GON4L: variants seen among roughly 807,000 people sequenced by gnomAD.
The protein encoded by GON4L is GON-4-like protein.
In GON4L, 87 loss-of-function variants were observed where a neutral mutation model predicts 211.8. The ratio of observed to expected loss-of-function variants is 0.41; its 90% CI spans 0.35 to 0.49. The LOEUF (loss-of-function observed/expected upper bound fraction) is 0.49. GON4L is among the 20% of genes least tolerant of loss of function. The pLI is 0.15. For missense variants in GON4L, 2,155 were observed against 2,659.5 expected, an observed-to-expected ratio of 0.81 and a Z score of 4.17; for synonymous variants, 875 against 962.6, an observed-to-expected ratio of 0.91 and a Z score of 1.68.
At chr1:155,841,376 G>A (rs769714997) in intron 2 of GON4L, among the ~76,000 whole-genome samples, 1 of 152,122 alleles carries the variant, frequency 6.6e-6, no homozygotes, top group Non-Finnish European at 1.5e-5. Context: ...CCAAATCAAG[G>A]ACAGGCACAC....
intron 1 of GON4L, among the ~76,000 whole-genome samples, chr1:155,855,197 T>C (rs572105549): frequency 6.6e-6 from 1 of 152,300 alleles, no homozygotes; most frequent in Admixed American, 6.5e-5. Context: ...CCAGAGGGTA[T>C]CCTCTATGTT....
chr1:155,853,485 A>G lies in GON4L; in HGVS notation c.296T>C (p.Ile99Thr), dbSNP rs141043212. Residue 99 changes from isoleucine (I) to threonine (T), a missense_variant, in exon 2 of 32, where the codon ATC (isoleucine) becomes ACC (threonine). Physicochemically the swap from Ile to Thr is moderately conservative, Grantham distance 89 (BLOSUM62 -1). Transcript: ENST00000368331. ...GGAAGGTAGGGTGATTCCCTGAGAGATGGCCACATCAACACCTTCTAGAAT... is the reference window on the plus strand; with the variant it reads ...GGAAGGTAGGGTGATTCCCTGAGAGGTGGCCACATCAACACCTTCTAGAAT... ...VPILEGVDVAISQGITLPSLE... is the reference protein window; with the variant it reads ...VPILEGVDVATSQGITLPSLE... 1 of 1,613,966 alleles carries G rather than the reference A, an allele frequency of 6.2e-7. No homozygotes were observed. The highest frequency in any genetic ancestry group is 1.3e-5 in the African/African-American group (1 of 74,926).
At chr1:155,776,093 A>G (rs1023388537) in intron 16 of GON4L, among the ~76,000 whole-genome samples, 5 of 152,186 alleles carry the variant, frequency 3.3e-5, no homozygotes, top group Non-Finnish European at 5.9e-5. Flanking sequence ...CAACATCTAT[A>G]AAACGAACAG....
In GON4L at chr1:155,809,996, AT is replaced by A. The variant is rs545738355; in HGVS notation, c.1452+3637del. On this transcript the variant is annotated intron_variant, in intron 10 of 31. Transcript: ENST00000368331. ...ATAAATTATATATATATATAATTAT[AT>A]ATATATATATATTTTTGAAATGTAG... Among the ~76,000 whole-genome samples, 24 of 132,066 alleles carry A rather than the reference AT, an allele frequency of 1.8e-4. 10 individuals are homozygous for A. The highest frequency in any genetic ancestry group is 1.1e-3 in the East Asian group (5 of 4,738). 86.6% of individuals were successfully genotyped at this position (132,066 alleles called of 152,430 possible).
chr1:155,845,544 C>A, intron 2 of GON4L: 1 of 305,204 alleles, frequency 3.3e-6, no homozygotes, highest in Non-Finnish European at 6.7e-6. Context: ...TTTACAGTCC[C>A]TTTTAATGAA....
At chr1:155,816,474 T>C (rs1668244728) in intron 6 of GON4L, among the ~76,000 whole-genome samples, 2 of 152,188 alleles carry the variant, frequency 1.3e-5, no homozygotes, top group Admixed American at 6.6e-5. Context: ...CATTAGCATT[T>C]CTGCCTTACA....
In GON4L at chr1:155,848,977, A is replaced by C. The variant is rs1671507342; in HGVS notation, c.505+4299T>G. Reference sequence around the variant, plus strand: ...AGGCTGGCCAACCTGATGAGATCCCATCTCTACTAAGATACAAAAAATTAG... The same window carrying C: ...AGGCTGGCCAACCTGATGAGATCCCCTCTCTACTAAGATACAAAAAATTAG... On this transcript the variant is annotated intron_variant, in intron 2 of 31. Coordinates refer to ENST00000368331, the MANE Select transcript of GON4L (RefSeq NM_001282860.2). Among the ~76,000 whole-genome samples, 3 of 150,790 alleles carry C rather than the reference A, an allele frequency of 2.0e-5. No individual in the cohort carries two copies. In the South Asian group the frequency reaches 6.3e-4, roughly 32 times the overall value.
At chr1:155,763,703 T>C in intron 21 of GON4L, 139 bp from the exon 22 acceptor site, 3 of 792,434 alleles carry the variant, frequency 3.8e-6, no homozygotes, top group Non-Finnish European at 5.9e-6. Flanking sequence ...TTCCTTGAGT[T>C]ATGAAATCCC....
chr1:155,771,354 T>C (rs1663171946), intron 18 of GON4L, 137 bp from the exon 19 acceptor site: 2 of 1,152,760 alleles, frequency 1.7e-6, no homozygotes, highest in African/African-American at 3.1e-5. Flanking sequence ...CAGGCTGGAG[T>C]GCAGTGGCAC....
intron 2 of GON4L, among the ~76,000 whole-genome samples, chr1:155,838,012 C>G (rs822496): frequency 6.6e-6 from 1 of 152,250 alleles, no homozygotes; most frequent in Non-Finnish European, 1.5e-5. Context: ...ACCTCCCAAC[C>G]TTTTGGGAGG....
At chr1:155,754,034 G>T (rs1215065632) in intron 28 of GON4L, 2 of 371,294 alleles carry the variant, frequency 5.4e-6, no homozygotes, top group African/African-American at 4.2e-5. Context: ...CAAGAACTGT[G>T]TTTTTCCTGC....
downstream of GON4L, chr1:155,748,894 A>C: frequency 9.6e-7 from 1 of 1,042,236 alleles, no homozygotes; most frequent in Non-Finnish European, 1.4e-6. Context: ...CCCACCCCTT[A>C]AAAAGGATAA....
chr1:155,751,686 A>G, intron 31 of GON4L, 81 bp downstream of exon 31: 1 of 905,654 alleles, frequency 1.1e-6, no homozygotes. Context: ...TGGATATCAA[A>G]ACTCCTTCTT....
chr1:155,814,558 C>A, intron 8 of GON4L, 109 bp from the exon 9 acceptor site: 1 of 1,166,194 alleles, frequency 8.6e-7, no homozygotes, highest in Non-Finnish European at 1.3e-6. Flanking sequence ...TCAGCCTGGC[C>A]AACATGGTGA....
intron 6 of GON4L, among the ~76,000 whole-genome samples, chr1:155,818,947 G>A (rs1668498738): frequency 6.7e-6 from 1 of 150,100 alleles, no homozygotes; most frequent in Non-Finnish European, 1.5e-5. Flanking sequence ...GCAGTGAGCT[G>A]AGATCGCACC....
rs1371537097 is a variant in GON4L, at chr1:155,762,374, C to A, written c.4727G>T (p.Gly1576Val). ...TTTTCCAGCAGCTTTGATGCTCTCT[C>A]CTTGTAGCACACATGAAAAGGATTG... is the stretch of plus-strand genomic sequence containing the variant. The part of the protein sequence containing the change: ...PEVETSRTPP[G>V]ESIKAAGKGR... The change falls in exon 23 of 32, where the codon GGA (glycine) becomes GTA (valine). Residue 1576 changes from glycine to valine, a missense_variant and splice_region_variant. Gly to Val is a moderately radical substitution (Grantham distance 109). Coordinates refer to ENST00000368331, the MANE Select transcript of GON4L (RefSeq NM_001282860.2). 6.2e-7 allele frequency: 1 copy of A among 1,601,590 alleles called. No homozygotes were observed. The highest frequency in any genetic ancestry group is 8.5e-7 in the Non-Finnish European group (1 of 1,170,812).
chr1:155,808,146 C>T (rs1667337202), intron 10 of GON4L, among the ~76,000 whole-genome samples: 1 of 151,936 alleles, frequency 6.6e-6, no homozygotes, highest in Non-Finnish European at 1.5e-5. Flanking sequence ...AAGCGATTCT[C>T]CTGCCTCAGC....
chr1:155,831,202 G>A (rs907363933), intron 2 of GON4L, among the ~76,000 whole-genome samples: 1 of 152,074 alleles, frequency 6.6e-6, no homozygotes, highest in East Asian at 1.9e-4. Flanking sequence ...GGGAGGCTAA[G>A]GTGGGAGAAT....
chr1:155,774,920 T>A, intron 17 of GON4L, 82 bp downstream of exon 17: 1 of 1,597,252 alleles, frequency 6.3e-7, no homozygotes, highest in Middle Eastern at 1.7e-4. Context: ...CCTAGGCAAG[T>A]ATCCTTAGTT....
Sources: allele counts gnomAD v4.1 joint callset (sites outside exome capture counted in the v4.1 genomes callset), GRCh38; gene constraint gnomAD v4.1.1; transcripts MANE v1.5; gene names NCBI Gene and HGNC (gene_info 2026-07-23, HGNC 2026-07-21).